GALNT1: variants seen among roughly 807,000 people sequenced by gnomAD.
The protein encoded by GALNT1 is polypeptide N-acetylgalactosaminyltransferase 1, also known as GalNAc transferase 1.
GALNT1 carries 17 observed loss-of-function variants against 65.7 expected under a neutral mutation model. That is an observed-to-expected ratio of 0.26 (90% CI 0.18 to 0.39). GALNT1 has a LOEUF of 0.39. Among genes scored for constraint, GALNT1 ranks in the 10% least tolerant of loss-of-function variants. GALNT1 has a pLI of 1.00. For missense variants in GALNT1, 460 were observed against 672.8 expected, an observed-to-expected ratio of 0.68 and a Z score of 3.50; for synonymous variants, 210 against 219.7, an observed-to-expected ratio of 0.96 and a Z score of 0.39.
chr18:35,584,236 T>A (rs1465734450), intron 1 of GALNT1, among the ~76,000 whole-genome samples: 1 of 152,264 alleles, frequency 6.6e-6, no homozygotes, highest in Non-Finnish European at 1.5e-5. Flanking sequence ...CTGTTTCTGC[T>A]TTTACTTATT....
chr18:35,619,574 T>C (rs2046826042), intron 1 of GALNT1, among the ~76,000 whole-genome samples: 1 of 152,178 alleles, frequency 6.6e-6, no homozygotes, highest in Non-Finnish European at 1.5e-5. Context: ...GAGATTTCCA[T>C]TTAGTCTGCA....
At chr18:35,649,659 A>G (rs1401642943) in intron 1 of GALNT1, among the ~76,000 whole-genome samples, 1 of 152,060 alleles carries the variant, frequency 6.6e-6, no homozygotes, top group Non-Finnish European at 1.5e-5. Flanking sequence ...TATCTAGGGA[A>G]TCTTTGCCTA....
At chr18:35,581,416 G>A (rs1409219916), upstream of GALNT1, 1 of 147,652 alleles carries the variant, frequency 6.8e-6, no homozygotes, top group Non-Finnish European at 1.5e-5. Flanking sequence ...CGCCGCAGCG[G>A]AGGGGGCGCG....
intron 9 of GALNT1, among the ~76,000 whole-genome samples, chr18:35,701,913 C>CA (rs1278806310): frequency 2.6e-5 from 4 of 152,156 alleles, no homozygotes; most frequent in Non-Finnish European, 4.4e-5. Context: ...TGAGCCTGTT[C>CA]ATGCTGGACT....
In GALNT1 at chr18:35,677,196, G is replaced by T. The variant is rs78446286; in HGVS notation, c.315-395G>T. Among the ~76,000 whole-genome samples, 867 of 152,294 alleles carry T rather than the reference G, an allele frequency of 5.7e-3. 21 individuals are homozygous for T. In the East Asian group the frequency reaches 0.066, roughly 12 times the overall value. On this transcript the variant is annotated intron_variant, in intron 3 of 11. Coordinates refer to ENST00000269195, the MANE Select transcript of GALNT1 (RefSeq NM_020474.4). ...AAATATTTCTCTTCTTTTGTGGAAG[G>T]TATATTTTTGTTTAGATTATTAAAC...
chr18:35,612,906 A>C (rs1055589867), intron 1 of GALNT1, among the ~76,000 whole-genome samples: 5 of 151,960 alleles, frequency 3.3e-5, no homozygotes, highest in African/African-American at 1.2e-4. Context: ...ATCATACCTC[A>C]CACCAGGAGA....
chr18:35,617,697 A>G (rs2046802287), intron 1 of GALNT1, among the ~76,000 whole-genome samples: 1 of 152,186 alleles, frequency 6.6e-6, no homozygotes, highest in Non-Finnish European at 1.5e-5. Context: ...AACATTTTGA[A>G]TATGACCACA....
chr18:35,582,903 A>C (rs1381173245), intron 1 of GALNT1, among the ~76,000 whole-genome samples: 3 of 152,230 alleles, frequency 2.0e-5, no homozygotes. Flanking sequence ...ACATGTGACT[A>C]TTAAAATTAA....
intron 3 of GALNT1, among the ~76,000 whole-genome samples, chr18:35,668,954 A>G (rs576399616): frequency 6.6e-6 from 1 of 152,336 alleles, no homozygotes; most frequent in South Asian, 2.1e-4. Flanking sequence ...TAAAAGCATT[A>G]CACACAGCCG....
intron 1 of GALNT1, among the ~76,000 whole-genome samples, chr18:35,636,469 G>A (rs2047090098): frequency 1.3e-5 from 2 of 152,172 alleles, no homozygotes; most frequent in Admixed American, 6.5e-5. Context: ...ACAAAACCTT[G>A]TATCATATGC....
chr18:35,699,676 CAAAT>C (rs1272916945), intron 9 of GALNT1, among the ~76,000 whole-genome samples: 5 of 152,192 alleles, frequency 3.3e-5, no homozygotes, highest in African/African-American at 1.2e-4. Context: ...AGAAGTCCAA[CAAAT>C]AAGACATTTG....
chr18:35,586,779 C>T (rs1042773086), intron 1 of GALNT1, among the ~76,000 whole-genome samples: 1 of 152,198 alleles, frequency 6.6e-6, no homozygotes, highest in Admixed American at 6.5e-5. Flanking sequence ...ATTCCTCCTA[C>T]ACTTTTTTTC....
intron 1 of GALNT1, among the ~76,000 whole-genome samples, chr18:35,644,153 C>T (rs779691912): frequency 2.6e-5 from 4 of 152,156 alleles, no homozygotes. Flanking sequence ...CTTGAGATAA[C>T]ACCCGGGAAA....
intron 3 of GALNT1, chr18:35,664,539 T>G (rs1057203162): frequency 3.9e-5 from 6 of 152,264 alleles, no homozygotes; most frequent in Non-Finnish European, 8.8e-5. Context: ...TTGGAGGACT[T>G]AAGTGCCCAT....
At chr18:35,586,557 T>C (rs1336458901) in intron 1 of GALNT1, among the ~76,000 whole-genome samples, 3 of 142,122 alleles carry the variant, frequency 2.1e-5, no homozygotes, top group African/African-American at 8.4e-5. Flanking sequence ...CTAATAGTTT[T>C]GTGGTTTTTA....
chr18:35,687,283 C>G, intron 6 of GALNT1, 97 bp downstream of exon 6: 1 of 1,197,612 alleles, frequency 8.3e-7, no homozygotes, highest in Non-Finnish European at 1.2e-6. Context: ...TTTTGAGAAA[C>G]GTGAAGCATT....
At chr18:35,701,475 C>T (rs1196475008) in intron 9 of GALNT1, among the ~76,000 whole-genome samples, 1 of 152,110 alleles carries the variant, frequency 6.6e-6, no homozygotes, top group African/African-American at 2.4e-5. Flanking sequence ...TGGTATTTTA[C>T]CATAAAATCT....
rs537721965 is a variant in GALNT1, at chr18:35,662,682, T to C, written c.140-946T>C. ...GAGAATAAAACTTTAGATTTTAAAA[T>C]AAGTAATGCATAAAATATATTTTCA... On this transcript the variant is annotated intron_variant, in intron 2 of 11. Transcript: ENST00000269195. 2.0e-5 allele frequency among the ~76,000 whole-genome samples: 3 copies of C among 152,346 alleles called. No homozygotes were observed. The South Asian group carries it at 6.2e-4, about 32-fold the overall frequency.
At chr18:35,659,595 G>T (rs566317034) in intron 2 of GALNT1, among the ~76,000 whole-genome samples, 2 of 152,250 alleles carry the variant, frequency 1.3e-5, no homozygotes, top group African/African-American at 4.8e-5. Flanking sequence ...GTGTTATATA[G>T]AGTGTTCAGT....
Sources: allele counts gnomAD v4.1 joint callset (sites outside exome capture counted in the v4.1 genomes callset), GRCh38; gene constraint gnomAD v4.1.1; transcripts MANE v1.5; gene names NCBI Gene and HGNC (gene_info 2026-07-23, HGNC 2026-07-21).